RGL1: variants seen among roughly 807,000 people sequenced by gnomAD.
RGL1 encodes the protein ral guanine nucleotide dissociation stimulator-like 1.
Under a neutral mutation model 95.2 loss-of-function variants are expected in RGL1, and 24 were observed. The ratio of observed to expected loss-of-function variants is 0.25; its 90% CI spans 0.18 to 0.35. The LOEUF (loss-of-function observed/expected upper bound fraction) is 0.35. Ranked by LOEUF, RGL1 falls within the 10% of genes least tolerant of loss-of-function variation. The pLI, the probability that RGL1 is intolerant of heterozygous loss-of-function variation, is 1.00. For synonymous variants in RGL1, 329 were observed against 344.9 expected (o/e 0.95, Z 0.51); for missense variants, 715 against 936.3 (o/e 0.76, Z 3.08).
chr1:183,825,896 C>T (rs1448909642), intron 2 of RGL1, among the ~76,000 whole-genome samples: 3 of 152,100 alleles, frequency 2.0e-5, no homozygotes, highest in Non-Finnish European at 2.9e-5. Flanking sequence ...GACGCAGAGG[C>T]CCACACCTGT....
chr1:183,792,131 C>T (rs747200686), intron 2 of RGL1, among the ~76,000 whole-genome samples: 30 of 151,990 alleles, frequency 2.0e-4, no homozygotes, highest in Non-Finnish European at 2.8e-4. Context: ...TCACCACAAT[C>T]CCAGTGGTCT....
At chr1:183,884,540 A>G (rs1167882910) in intron 6 of RGL1, among the ~76,000 whole-genome samples, 183 bp from the exon 7 acceptor site, 1 of 152,184 alleles carries the variant, frequency 6.6e-6, no homozygotes, top group Non-Finnish European at 1.5e-5. Flanking sequence ...TCTAGTGAAC[A>G]TTATCGATGA....
At chr1:183,877,355 T>C (rs892182393) in intron 4 of RGL1, among the ~76,000 whole-genome samples, 1 of 152,268 alleles carries the variant, frequency 6.6e-6, no homozygotes, top group Non-Finnish European at 1.5e-5. Flanking sequence ...GAAAAGCCAT[T>C]GGCCAGTAAT....
At chr1:183,802,386 A>C (rs1196108454), upstream of RGL1, among the ~76,000 whole-genome samples, 2 of 151,710 alleles carry the variant, frequency 1.3e-5, no homozygotes, top group African/African-American at 4.8e-5. Flanking sequence ...CTCCAGCTTT[A>C]CTCTTCTTTT....
rs57974956 is a variant in RGL1, at chr1:183,891,733, G to GTT, written c.1056-318_1056-317dup. ...ATCTGTGGGCTCTGTGTGTGTAACA[G>GTT]TTTTTTTTTTTTTTTTTTTTTTTTT... On this transcript the variant is annotated intron_variant, in intron 8 of 17. Transcript: ENST00000360851. 5.7e-3 allele frequency among the ~76,000 whole-genome samples: 708 copies of GTT among 123,820 alleles called. 26 individuals carry two copies. The highest frequency in any genetic ancestry group is 8.0e-3 in the Non-Finnish European group (470 of 58,844). The allele number at this position is 123,820 out of a possible 152,430, so 81.2% of individuals were successfully genotyped here.
Position 183,849,482 on chromosome 1 carries a change from A to AATTTTTTTTTTTTTTTTTTTTTT in RGL1, c.347+1708_347+1709insATTTTTTTTTTTTTTTTTTTTTT, listed in dbSNP as rs150367802. On this transcript the variant is annotated intron_variant, in intron 3 of 17. Transcript: ENST00000360851. ...GACATTTAAGTTTTCTCCAGTTTTT[A>AATTTTTTTTTTTTTTTTTTTTTT]GTTTTTTTTTTTTTTTTTTTTTTTG... Among the ~76,000 whole-genome samples, 14 of 99,362 alleles carry AATTTTTTTTTTTTTTTTTTTTTT rather than the reference A, an allele frequency of 1.4e-4. 1 individual carries two copies. Among genetic ancestry groups the AATTTTTTTTTTTTTTTTTTTTTT allele is most frequent in the Non-Finnish European group, 1.1e-4 (6 of 52,218 alleles). 65.2% of individuals were successfully genotyped at this position (99,362 alleles called of 152,430 possible).
At position 183,745,621 on chromosome 1, in the gene RGL1, C is replaced by T. The variant is rs114122257; in HGVS notation, c.132+3332C>T. On this transcript the variant is annotated intron_variant, in intron 2 of 18. Coordinates refer to the RGL1 transcript ENST00000304685. ...CATGTATCATGTTTCTATAGATATCCTGTCTGTGGATATGATACTCATTTA... is the reference window on the plus strand; with the variant it reads ...CATGTATCATGTTTCTATAGATATCTTGTCTGTGGATATGATACTCATTTA... Among the ~76,000 whole-genome samples the T allele has an allele frequency of 6.5e-3, 989 of 151,816 alleles. 10 individuals carry two copies. The highest frequency in any genetic ancestry group is 0.022 in the African/African-American group (912 of 41,384).
intron 1 of RGL1, among the ~76,000 whole-genome samples, chr1:183,738,932 T>C (rs1481922031): frequency 6.6e-6 from 1 of 151,926 alleles, no homozygotes; most frequent in Admixed American, 6.6e-5. Context: ...AAAGAGAGTA[T>C]GGAATAAAAT....
At chr1:183,872,576 C>T (rs1327675114) in intron 4 of RGL1, among the ~76,000 whole-genome samples, 2 of 152,064 alleles carry the variant, frequency 1.3e-5, no homozygotes, top group East Asian at 3.8e-4. Flanking sequence ...TAATCTTTTC[C>T]CAGAAGTTGT....
chr1:183,836,807 A>T (rs919788400), intron 2 of RGL1, among the ~76,000 whole-genome samples: 1 of 152,212 alleles, frequency 6.6e-6, no homozygotes. Context: ...GCTACATCTT[A>T]CATCTGAATT....
chr1:183,892,774 G>A (rs1172341327), intron 9 of RGL1, among the ~76,000 whole-genome samples: 1 of 152,150 alleles, frequency 6.6e-6, no homozygotes. Flanking sequence ...CCATCTAATT[G>A]GGGTATATAG....
intron 1 of RGL1, among the ~76,000 whole-genome samples, chr1:183,660,801 G>C (rs898153285): frequency 2.6e-5 from 4 of 152,042 alleles, no homozygotes; most frequent in Admixed American, 1.3e-4. Context: ...TGACCACATA[G>C]TTGGAAGTAA....
At chr1:183,785,655 G>A (rs757020516) in intron 2 of RGL1, among the ~76,000 whole-genome samples, 1 of 152,192 alleles carries the variant, frequency 6.6e-6, no homozygotes, top group Non-Finnish European at 1.5e-5. Context: ...TGGGGCAGAT[G>A]TGCTAGGTGA....
chr1:183,911,966 G>A (rs1394818364), intron 14 of RGL1, 116 bp from the exon 15 acceptor site: 4 of 823,314 alleles, frequency 4.9e-6, no homozygotes. Context: ...AAATAATAAT[G>A]ACAGAACACA....
chr1:183,732,657 G>A (rs560714131), intron 1 of RGL1, among the ~76,000 whole-genome samples: 248 of 152,254 alleles, frequency 1.6e-3, no homozygotes, highest in Non-Finnish European at 3.1e-3. Flanking sequence ...CCCCGCAGAT[G>A]TACACAAGTC....
intron 4 of RGL1, among the ~76,000 whole-genome samples, chr1:183,868,033 G>C (rs1665943591): frequency 6.6e-6 from 1 of 152,186 alleles, no homozygotes; most frequent in Non-Finnish European, 1.5e-5. Context: ...TACAGTGGGA[G>C]GAACAATTCT....
chr1:183,806,591 C>A, intron 2 of RGL1, 106 bp downstream of exon 2: 1 of 758,726 alleles, frequency 1.3e-6, no homozygotes, highest in East Asian at 2.6e-5. Context: ...TTCCTCTTTT[C>A]GCTTTAAAAA....
At chr1:183,672,769 CTCTTGCTT>C (rs1652559016) in intron 1 of RGL1, among the ~76,000 whole-genome samples, 1 of 152,170 alleles carries the variant, frequency 6.6e-6, no homozygotes, top group Non-Finnish European at 1.5e-5. Context: ...TTTCTACCTA[CTCTTGCTT>C]ACCTGGATTG....
chr1:183,862,557 CT>C (rs1297228166), intron 3 of RGL1, among the ~76,000 whole-genome samples: 1 of 152,154 alleles, frequency 6.6e-6, no homozygotes, highest in Admixed American at 6.5e-5. Flanking sequence ...CATCTTAAAA[CT>C]TTTTTTCTTT....
Sources: gnomAD v4.1 joint callset for allele counts (sites outside exome capture counted in the v4.1 genomes callset) on GRCh38, gnomAD v4.1.1 for gene constraint, MANE v1.5 for transcripts, NCBI Gene and HGNC (gene_info 2026-07-23, HGNC 2026-07-21) for gene names.